FSTL4: variants seen among roughly 807,000 people sequenced by gnomAD.
FSTL4 encodes follistatin-related protein 4.
FSTL4 carries 28 observed loss-of-function variants against 78.2 expected under a neutral mutation model. The ratio of observed to expected loss-of-function variants is 0.36; its 90% CI spans 0.27 to 0.49. The LOEUF (loss-of-function observed/expected upper bound fraction) is 0.49. Ranked by LOEUF, FSTL4 falls within the 20% of genes least tolerant of loss-of-function variation. The pLI is 0.98. For synonymous variants in FSTL4, 422 were observed against 440.5 expected (o/e 0.96, Z 0.53); for missense variants, 922 against 1,084.9 (o/e 0.85, Z 2.11).
intron 2 of FSTL4, among the ~76,000 whole-genome samples, chr5:133,580,770 C>G (rs761710622): frequency 6.6e-6 from 1 of 152,228 alleles, no homozygotes; most frequent in African/African-American, 2.4e-5. Context: ...TACTTTGTAG[C>G]TGTGGCACCA....
intron 4 of FSTL4, among the ~76,000 whole-genome samples, chr5:133,341,028 G>C (rs184703857): frequency 6.6e-6 from 1 of 151,930 alleles, no homozygotes; most frequent in South Asian, 2.1e-4. Flanking sequence ...GCCTGAGGGC[G>C]CTCCAAAGTC....
intron 3 of FSTL4, among the ~76,000 whole-genome samples, chr5:133,522,198 G>A (rs796189368): frequency 7.2e-5 from 11 of 152,210 alleles, no homozygotes; most frequent in Middle Eastern, 3.4e-3. Flanking sequence ...CAGGACCACC[G>A]ATAGTGCAAT....
the FSTL4 span, among the ~76,000 whole-genome samples, chr5:133,792,733 C>G: frequency 3.3e-5 from 5 of 152,162 alleles, no homozygotes; most frequent in African/African-American, 1.2e-4. Flanking sequence ...CATGGAAAGT[C>G]GAAGGAGAGG....
At chr5:133,668,195 C>T in the FSTL4 span, among the ~76,000 whole-genome samples, 11 of 152,248 alleles carry the variant, frequency 7.2e-5, no homozygotes, top group South Asian at 2.1e-4. Flanking sequence ...ACTGCAGGCA[C>T]GCTTATGGAC....
the FSTL4 span, among the ~76,000 whole-genome samples, chr5:133,637,483 C>G: frequency 6.6e-6 from 1 of 152,044 alleles, no homozygotes; most frequent in African/African-American, 2.4e-5. Context: ...TGTCCCTGTG[C>G]TCATGGAAGT....
At chr5:133,233,665 G>C (rs1156635908) in intron 7 of FSTL4, 128 bp from the exon 8 acceptor site, 30 of 1,182,544 alleles carry the variant, frequency 2.5e-5, no homozygotes, top group Non-Finnish European at 3.5e-5. Flanking sequence ...CCCTTGCTCA[G>C]CCAGAGCTGT....
At position 133,574,160 on chromosome 5, in the gene FSTL4, A is replaced by G. The variant is rs114032943; in HGVS notation, c.127-6941T>C. 5.3e-3 allele frequency among the ~76,000 whole-genome samples: 806 copies of G among 152,388 alleles called. 10 individuals carry two copies. The highest frequency in any genetic ancestry group is 0.018 in the African/African-American group (763 of 41,602). On this transcript the variant is annotated intron_variant, in intron 2 of 15. Coordinates refer to ENST00000265342, the MANE Select transcript of FSTL4 (RefSeq NM_015082.2). ...ACGAATGACTTATTGAGAATATATA[A>G]AATACTTTTGCAAATCAATAAGAAA...
the FSTL4 span, among the ~76,000 whole-genome samples, chr5:133,826,125 A>G: frequency 1.3e-5 from 2 of 152,226 alleles, no homozygotes; most frequent in East Asian, 3.8e-4. Flanking sequence ...ACTGCGCTCC[A>G]TGGCTGGGGA....
At chr5:133,314,834 G>C (rs989718014) in intron 5 of FSTL4, among the ~76,000 whole-genome samples, 1 of 152,110 alleles carries the variant, frequency 6.6e-6, no homozygotes, top group African/African-American at 2.4e-5. Context: ...TAAAAATGAT[G>C]ATGATGGCAA....
In FSTL4 at chr5:133,400,589, C is replaced by T. The variant is rs903724079; in HGVS notation, c.409+149G>A. ...CACAGAGTATGCATCACCAAAATGC[C>T]ACTGCTGCTATTTTGTTACACACCA... On this transcript the variant is annotated intron_variant, in intron 4 of 15. Transcript: ENST00000265342. 10 of 709,622 alleles carry T rather than the reference C, an allele frequency of 1.4e-5. No homozygotes were observed. The African/African-American group carries it at 1.6e-4, about 11-fold the overall frequency. 44.0% of individuals were successfully genotyped at this position (709,622 alleles called of 1,614,324 possible).
chr5:133,797,137 C>T, the FSTL4 span, among the ~76,000 whole-genome samples: 1,793 of 152,282 alleles, frequency 0.012, 38 homozygotes, highest in African/African-American at 0.04. Context: ...ACAAAGGGCA[C>T]CCCAGGCAGT....
At chr5:133,439,517 G>A (rs1024679799) in intron 3 of FSTL4, among the ~76,000 whole-genome samples, 1 of 152,166 alleles carries the variant, frequency 6.6e-6, no homozygotes, top group Non-Finnish European at 1.5e-5. Flanking sequence ...CAGCTCTGGA[G>A]GACCAGGTTG....
At chr5:133,700,985 G>GCAGGCGGAAAATTAGGTCCATTTTGTGT in the FSTL4 span, among the ~76,000 whole-genome samples, 2 of 152,204 alleles carry the variant, frequency 1.3e-5, no homozygotes, top group Non-Finnish European at 2.9e-5. Context: ...TCATTCAGAC[G>GCAGGCGGAAAATTAGGTCCATTTTGTGT]CAGGCGGAAA....
chr5:133,484,666 A>G (rs920718346), intron 3 of FSTL4, among the ~76,000 whole-genome samples: 1 of 152,196 alleles, frequency 6.6e-6, no homozygotes, highest in Non-Finnish European at 1.5e-5. Flanking sequence ...CACGCTGCTC[A>G]GCAACATGGT....
chr5:133,562,872 G>A (rs999174791), intron 3 of FSTL4, among the ~76,000 whole-genome samples: 1 of 152,212 alleles, frequency 6.6e-6, no homozygotes, highest in African/African-American at 2.4e-5. Flanking sequence ...GGAACAGTCA[G>A]AGAAAAGTAC....
chr5:133,291,708 A>T (rs570610466), intron 6 of FSTL4, among the ~76,000 whole-genome samples: 5 of 152,202 alleles, frequency 3.3e-5, no homozygotes, highest in Non-Finnish European at 7.3e-5. Context: ...TCTCTGCCTA[A>T]GCCAACCGCA....
chr5:133,715,554 T>C, the FSTL4 span, among the ~76,000 whole-genome samples: 1 of 152,202 alleles, frequency 6.6e-6, no homozygotes, highest in African/African-American at 2.4e-5. Context: ...TTCATTATGC[T>C]TCAGCATAGA....
chr5:133,326,612 G>T (rs1754218142), intron 4 of FSTL4, among the ~76,000 whole-genome samples: 1 of 152,230 alleles, frequency 6.6e-6, no homozygotes, highest in South Asian at 2.1e-4. Flanking sequence ...CGCAGAGCTT[G>T]CTCCCAGGTG....
the FSTL4 span, among the ~76,000 whole-genome samples, chr5:133,749,575 C>G: frequency 6.6e-6 from 1 of 152,234 alleles, no homozygotes; most frequent in East Asian, 1.9e-4. Flanking sequence ...AACCAAGGCC[C>G]ACACACATGT....
Sources: gnomAD v4.1 joint callset for allele counts (sites outside exome capture counted in the v4.1 genomes callset) on GRCh38, gnomAD v4.1.1 for gene constraint, MANE v1.5 for transcripts, NCBI Gene and HGNC (gene_info 2026-07-23, HGNC 2026-07-21) for gene names.